The following ITGB7 variants were observed in gnomAD, a reference collection of about 807,000 sequenced individuals.
The protein encoded by ITGB7 is integrin beta-7.
A neutral mutation model predicts 83.4 loss-of-function variants in ITGB7; 55 were observed. The observed-to-expected ratio is 0.66, with a 90% CI of 0.53 to 0.83. ITGB7 has a LOEUF of 0.83. ITGB7 is among the 40% of genes least tolerant of loss of function. The pLI is 0.00. For missense variants in ITGB7, 921 were observed against 1,046.7 expected (o/e 0.88, Z 1.66); for synonymous variants, 454 against 423.6 (o/e 1.07, Z -0.88).
At position 53,193,135 on chromosome 12, in the gene ITGB7, G is replaced by A. The variant is rs779517190; in HGVS notation, c.1726+5C>T. 2 of 1,600,802 alleles carry A rather than the reference G, an allele frequency of 1.2e-6. No homozygotes were observed. The highest frequency in any genetic ancestry group is 1.7e-6 in the Non-Finnish European group (2 of 1,169,836). On this transcript the variant is annotated splice_donor_5th_base_variant and intron_variant, in intron 12 of 15. Transcript: ENST00000267082. ...CCCCGCCCTTCTCCCCAAGGCTCCA[G>A]GTACCTCCGCAGAGGATGCCCTCAT...
At chr12:53,193,050 T>G in intron 12 of ITGB7, 90 bp downstream of exon 12, 1 of 1,394,608 alleles carries the variant, frequency 7.2e-7, no homozygotes, top group Non-Finnish European at 9.9e-7. Context: ...AATCTTTTGA[T>G]ATTTGCCTTC....
intron 5 of ITGB7, 112 bp downstream of exon 5, chr12:53,197,381 C>T (rs1942200448): frequency 2.4e-6 from 3 of 1,265,832 alleles, no homozygotes; most frequent in Non-Finnish European, 3.5e-6. Context: ...CTAGGCCTGT[C>T]AACAACTGGG....
intron 14 of ITGB7, 148 bp downstream of exon 14, chr12:53,192,182 C>G: frequency 1.7e-6 from 2 of 1,194,628 alleles, no homozygotes; most frequent in Non-Finnish European, 2.4e-6. Flanking sequence ...TTAGCCTCGT[C>G]CACTTGCTCA....
chr12:53,204,589 G>A (rs141280938), intron 1 of ITGB7, among the ~76,000 whole-genome samples: 1 of 152,254 alleles, frequency 6.6e-6, no homozygotes, highest in Non-Finnish European at 1.5e-5. Context: ...GGGAATGACT[G>A]CTTAATGGGC....
intron 3 of ITGB7, 43 bp from the exon 4 acceptor site, chr12:53,197,994 GGCCCTGGGCCCC>G: frequency 6.8e-7 from 1 of 1,479,294 alleles, no homozygotes; most frequent in Non-Finnish European, 9.0e-7. Context: ...GTCCTGCATA[GGCCCTGGGCCCC>G]GCTCCCAAAA....
At chr12:53,193,598 G>A (rs763077498) in intron 11 of ITGB7, 110 bp downstream of exon 11, 78 of 977,002 alleles carry the variant, frequency 8.0e-5, no homozygotes, top group Middle Eastern at 3.3e-4. Flanking sequence ...GTGGGGAGTC[G>A]GGATGTCGAG....
chr12:53,200,594 A>G, intron 2 of ITGB7, 148 bp from the exon 3 acceptor site: 1 of 687,388 alleles, frequency 1.5e-6, no homozygotes, highest in South Asian at 1.9e-5. Context: ...CTGTGGATTC[A>G]GCAGTTTCTT....
At chr12:53,201,874 C>T (rs2120513901) in intron 1 of ITGB7, among the ~76,000 whole-genome samples, 1 of 152,110 alleles carries the variant, frequency 6.6e-6, no homozygotes, top group South Asian at 2.1e-4. Context: ...GTACTTTGCC[C>T]TGGGCAACAG....
At chr12:53,201,608 G>A (rs759388559) in intron 1 of ITGB7, among the ~76,000 whole-genome samples, 10 of 151,452 alleles carry the variant, frequency 6.6e-5, no homozygotes, top group Non-Finnish European at 1.2e-4. Context: ...CATTTACCAC[G>A]CTTCATAAGT....
rs1246345924 is a variant in ITGB7 at position 53,191,905 on chromosome 12, T to A, written c.2270A>T (p.Glu757Val). 6 of 1,612,306 alleles carry A rather than the reference T, an allele frequency of 3.7e-6. No individual in the cohort carries two copies. The highest frequency in any genetic ancestry group is 5.1e-6 in the Non-Finnish European group (6 of 1,179,992). The change falls in exon 15 of 16, where the codon GAA (glutamate) becomes GTA (valine). Residue 757 changes from glutamate to valine, a missense_variant. Coordinates refer to ENST00000267082, the MANE Select transcript of ITGB7 (RefSeq NM_000889.3). ...RLSVEIYDRREYSRFEKEQQQ... is the reference protein window; with the variant it reads ...RLSVEIYDRRVYSRFEKEQQQ... ...CTGCTCCTTCTCAAAGCGACTGTAT[T>A]CCCGGCGGTCATAGATTTCCACCGA...
chr12:53,193,643 G>A, intron 11 of ITGB7, 65 bp downstream of exon 11: 4 of 1,380,828 alleles, frequency 2.9e-6, no homozygotes, highest in Non-Finnish European at 4.0e-6. Context: ...AGCAGCGGAG[G>A]AATACGGGCC....
intron 12 of ITGB7, 44 bp from the exon 13 acceptor site, chr12:53,192,954 C>A (rs1942016674): frequency 6.3e-7 from 1 of 1,578,224 alleles, no homozygotes; most frequent in Non-Finnish European, 8.7e-7. Flanking sequence ...ACTCCACACA[C>A]ACAGTTGGCC....
intron 1 of ITGB7, 29 bp downstream of exon 1, chr12:53,207,173 G>C (rs1383242785): frequency 3.3e-5 from 5 of 152,860 alleles, no homozygotes; most frequent in African/African-American, 1.2e-4. Flanking sequence ...AAGGAGAGGA[G>C]GCAGAAGGGC....
chr12:53,195,720 T>C lies in ITGB7; in HGVS notation c.977A>G (p.Asp326Gly), dbSNP rs762294702. The C allele has an allele frequency of 4.3e-6, 7 of 1,612,122 alleles. No homozygotes were observed. The highest frequency in any genetic ancestry group is 5.9e-6 in the Non-Finnish European group (7 of 1,178,376). The change falls in exon 8 of 16, where the codon GAC (aspartate) becomes GGC (glycine). Residue 326 changes from aspartate (D) to glycine (G), a missense_variant and splice_region_variant. Transcript: ENST00000267082. ...NGLYSRSTEF[D>G]YPSVGQVAQA... Reference sequence around the variant, plus strand: ...GGCTACCTGACCCACAGAAGGGTAGTCCTGGGACAGGGAGCAGGGACAAGG... The same window carrying C: ...GGCTACCTGACCCACAGAAGGGTAGCCCTGGGACAGGGAGCAGGGACAAGG...
chr12:53,191,898 A>T lies in ITGB7; in HGVS notation c.2277T>A (p.Ser759Arg). 6.2e-7 allele frequency: 1 copy of T among 1,612,724 alleles called. No homozygotes were observed. Among genetic ancestry groups the T allele is most frequent in the Non-Finnish European group, 8.5e-7 (1 of 1,179,940 alleles). Residue 759 changes from serine (S) to arginine (R), a missense_variant, in exon 15 of 16, where the codon AGT becomes AGA. Ser to Arg is a moderately radical substitution (Grantham distance 110, BLOSUM62 -1). Coordinates refer to ENST00000267082, the MANE Select transcript of ITGB7 (RefSeq NM_000889.3). ...GTTGTTGCTGCTCCTTCTCAAAGCG[A>T]CTGTATTCCCGGCGGTCATAGATTT... The part of the protein sequence containing the change: ...SVEIYDRREY[S>R]RFEKEQQQLN...
chr12:53,196,704 G>A lies in ITGB7; in HGVS notation c.691C>T (p.His231Tyr). ...ERCQSPFSFH[H>Y]VLSLTGDAQA... is the part of the protein sequence containing the mutation. ...GCGTCCCCCGTCAGGGACAGCACAT[G>A]GTGAAAGCTGAATGGTGACTGGCAG... Residue 231 changes from histidine (H) to tyrosine (Y), a missense_variant, in exon 6 of 16, where the codon CAT (histidine) becomes TAT (tyrosine). His to Tyr is a moderately conservative substitution (Grantham distance 83). Transcript: ENST00000267082. The A allele has an allele frequency of 6.2e-7, 1 of 1,612,798 alleles. No individual in the cohort carries two copies. Among genetic ancestry groups the A allele is most frequent in the Non-Finnish European group, 8.5e-7 (1 of 1,179,352 alleles).
intron 1 of ITGB7, among the ~76,000 whole-genome samples, chr12:53,203,659 A>AG (rs1350725129): frequency 6.7e-6 from 1 of 150,178 alleles, no homozygotes; most frequent in Non-Finnish European, 1.5e-5. Context: ...AAAAAAAAAA[A>AG]AAAAAAAAAA....
intron 11 of ITGB7, 86 bp downstream of exon 11, chr12:53,193,622 G>C (rs894511224): frequency 1.6e-5 from 19 of 1,202,950 alleles, no homozygotes; most frequent in African/African-American, 1.5e-4. Context: ...ACTCCTGTGG[G>C]GGGGATGGAA....
chr12:53,202,242 C>T (rs1312839257), intron 1 of ITGB7, among the ~76,000 whole-genome samples: 1 of 151,942 alleles, frequency 6.6e-6, no homozygotes, highest in Non-Finnish European at 1.5e-5. Flanking sequence ...GCCTGTAATC[C>T]CAGCTACTCA....
Sources: allele counts gnomAD v4.1 joint callset (sites outside exome capture counted in the v4.1 genomes callset), GRCh38; gene constraint gnomAD v4.1.1; transcripts MANE v1.5; gene names NCBI Gene and HGNC (gene_info 2026-07-23, HGNC 2026-07-21).